FRAS1: variants seen among roughly 807,000 people sequenced by gnomAD.
The protein encoded by FRAS1 is extracellular matrix organizing protein FRAS1.
In FRAS1, 290 loss-of-function variants were observed where a neutral mutation model predicts 435.2. That is an observed-to-expected ratio of 0.67 (90% CI 0.61 to 0.73). FRAS1 has a LOEUF of 0.73. FRAS1 is among the 30% of genes least tolerant of loss of function. FRAS1 has a pLI of 0.00. For missense variants in FRAS1, 4,860 were observed against 5,001.5 expected (o/e 0.97, Z 0.85); for synonymous variants, 1,800 against 1,851.0 (o/e 0.97, Z 0.71).
intron 2 of FRAS1, among the ~76,000 whole-genome samples, chr4:78,116,816 C>G (rs908719346): frequency 1.3e-5 from 2 of 152,056 alleles, no homozygotes; most frequent in African/African-American, 4.8e-5. Flanking sequence ...AATTGGAGCA[C>G]TTAGCCCATT....
At position 78,400,788 on chromosome 4, in the gene FRAS1, G is replaced by T; in HGVS notation, c.4030G>T (p.Gly1344Trp). 1 of 1,613,446 alleles carries T rather than the reference G, an allele frequency of 6.2e-7. No homozygotes were observed. Among genetic ancestry groups the T allele is most frequent in the Non-Finnish European group, 8.5e-7 (1 of 1,179,650 alleles). Reference protein sequence around the residue: ...ANSMVWVPEGGMLQITNRILQ... With the variant: ...ANSMVWVPEGWMLQITNRILQ... ...TTCGATGGTGTGGGTTCCAGAAGGG[G>T]GGATGCTGCAGATCACCAACAGAAT... The change falls in exon 30 of 74, where the codon GGG becomes TGG. Residue 1344 changes from glycine (G) to tryptophan (W), a missense_variant. Gly to Trp is a radical substitution (Grantham distance 184). Transcript: ENST00000512123.
intron 40 of FRAS1, 150 bp downstream of exon 40, chr4:78,439,214 C>T (rs1191324177): frequency 1.5e-6 from 1 of 656,534 alleles, no homozygotes; most frequent in East Asian, 2.8e-5. Flanking sequence ...GGTTTTCAAT[C>T]ATGAGTGTTT....
At position 78,507,545 on chromosome 4, in the gene FRAS1, T is replaced by C. The variant is rs1720881129; in HGVS notation, c.9441T>C (p.Thr3147=). The C allele has an allele frequency of 6.2e-7, 1 of 1,611,872 alleles. No homozygotes were observed. Among genetic ancestry groups the C allele is most frequent in the South Asian group, 1.1e-5 (1 of 90,398 alleles). The part of the protein sequence containing the change: ...PVEAVLGDVT[T]ATVTILDQEA... ...AAGCAGTTCTTGGGGATGTGACTAC[T>C]GCCACGGTGACAATTCTAGACCAGG... The change falls in exon 62 of 74, where the codon ACT becomes ACC. Residue 3147 remains threonine, a synonymous_variant. Coordinates refer to ENST00000512123, the MANE Select transcript of FRAS1 (RefSeq NM_025074.7).
At chr4:78,084,337 A>T (rs1741044891) in intron 2 of FRAS1, among the ~76,000 whole-genome samples, 1 of 152,120 alleles carries the variant, frequency 6.6e-6, no homozygotes, top group African/African-American at 2.4e-5. Context: ...TAATACAGGT[A>T]TATATAGGGT....
At chr4:78,087,962 T>C (rs566424818) in intron 2 of FRAS1, among the ~76,000 whole-genome samples, 11 of 152,090 alleles carry the variant, frequency 7.2e-5, no homozygotes, top group Non-Finnish European at 1.6e-4. Context: ...GAGCCCTCAT[T>C]GCCAAGTCAA....
chr4:78,075,772 G>A (rs1048668269), intron 2 of FRAS1, among the ~76,000 whole-genome samples: 10 of 152,202 alleles, frequency 6.6e-5, no homozygotes, highest in Non-Finnish European at 1.5e-4. Flanking sequence ...AGAGGAAATC[G>A]TTTTTGATCT....
chr4:78,206,008 T>C (rs1723239808), intron 2 of FRAS1, among the ~76,000 whole-genome samples: 1 of 152,120 alleles, frequency 6.6e-6, no homozygotes, highest in Non-Finnish European at 1.5e-5. Flanking sequence ...ATTTTCAAAC[T>C]GAAAATCACA....
intron 2 of FRAS1, among the ~76,000 whole-genome samples, chr4:78,104,130 C>T (rs1173124463): frequency 2.6e-5 from 4 of 152,168 alleles, no homozygotes; most frequent in Non-Finnish European, 5.9e-5. Context: ...CAACTTCTTC[C>T]AGGAATGTTT....
At chr4:78,295,266 A>G (rs1728093948) in intron 14 of FRAS1, among the ~76,000 whole-genome samples, 1 of 152,198 alleles carries the variant, frequency 6.6e-6, no homozygotes. Context: ...ACATGTGACT[A>G]CCGGGTCCAA....
intron 44 of FRAS1, among the ~76,000 whole-genome samples, chr4:78,449,397 C>T (rs79330223): frequency 4.6e-4 from 70 of 152,290 alleles, no homozygotes; most frequent in African/African-American, 1.6e-3. Context: ...CTCTGAGAAA[C>T]GGCCTGGGTA....
intron 18 of FRAS1, among the ~76,000 whole-genome samples, chr4:78,327,889 A>C (rs897680412): frequency 1.3e-5 from 2 of 152,186 alleles, no homozygotes; most frequent in African/African-American, 4.8e-5. Context: ...TAAAGGATGC[A>C]GATGTTAACA....
intron 54 of FRAS1, among the ~76,000 whole-genome samples, chr4:78,477,280 CA>C (rs1719879836): frequency 6.6e-6 from 1 of 152,132 alleles, no homozygotes; most frequent in African/African-American, 2.4e-5. Flanking sequence ...CTTTAAAATA[CA>C]CTTAACACCT....
chr4:78,492,003 A>G (rs1219068630), intron 59 of FRAS1, among the ~76,000 whole-genome samples: 2 of 151,732 alleles, frequency 1.3e-5, no homozygotes, highest in African/African-American at 4.8e-5. Flanking sequence ...TTCCTATACA[A>G]CTATAATAAA....
intron 2 of FRAS1, among the ~76,000 whole-genome samples, chr4:78,165,977 C>T (rs1313192035): frequency 6.6e-6 from 1 of 152,094 alleles, no homozygotes; most frequent in African/African-American, 2.4e-5. Flanking sequence ...AGTCCAAAGT[C>T]TCATTGAAAG....
At chr4:78,536,902 T>C in intron 71 of FRAS1, 93 bp from the exon 72 acceptor site, 1 of 970,532 alleles carries the variant, frequency 1.0e-6, no homozygotes, top group South Asian at 1.5e-5. Context: ...CTTTTCACTC[T>C]TAAGGGAGCA....
chr4:78,176,957 A>C (rs376376750), intron 2 of FRAS1, among the ~76,000 whole-genome samples: 1 of 152,262 alleles, frequency 6.6e-6, no homozygotes, highest in African/African-American at 2.4e-5. Flanking sequence ...CATCACAGGG[A>C]CCTTTGTCTT....
chr4:78,277,290 C>T (rs1025839504), intron 9 of FRAS1, among the ~76,000 whole-genome samples: 6 of 152,172 alleles, frequency 3.9e-5, no homozygotes, highest in Non-Finnish European at 5.9e-5. Context: ...TGCCCTGCTT[C>T]GGCTCACACT....
intron 59 of FRAS1, among the ~76,000 whole-genome samples, chr4:78,493,627 G>A (rs1008053097): frequency 2.0e-5 from 3 of 152,028 alleles, no homozygotes; most frequent in Admixed American, 1.3e-4. Flanking sequence ...GACCCAGGGA[G>A]GGGAACATCA....
chr4:78,399,468 A>G (rs1732798254), intron 29 of FRAS1, among the ~76,000 whole-genome samples: 1 of 152,214 alleles, frequency 6.6e-6, no homozygotes, highest in South Asian at 2.1e-4. Context: ...AAAACTGAAC[A>G]CTGGCAGCCT....
Sources: allele counts gnomAD v4.1 joint callset (sites outside exome capture counted in the v4.1 genomes callset), GRCh38; gene constraint gnomAD v4.1.1; transcripts MANE v1.5; gene names NCBI Gene and HGNC (gene_info 2026-07-23, HGNC 2026-07-21).